NRIP1: variants seen among roughly 807,000 people sequenced by gnomAD.
NRIP1 encodes nuclear receptor-interacting protein 1.
NRIP1 carries 28 observed loss-of-function variants against 75.0 expected under a neutral mutation model. That is an observed-to-expected ratio of 0.37 (90% CI 0.28 to 0.51). The LOEUF is 0.51. Ranked by LOEUF, NRIP1 falls within the 20% of genes least tolerant of loss-of-function variation. The pLI is 0.92. For synonymous variants in NRIP1, 526 were observed against 487.6 expected, an observed-to-expected ratio of 1.08 and a Z score of -1.04; for missense variants, 1,435 against 1,343.7, an observed-to-expected ratio of 1.07 and a Z score of -1.06.
intron 1 of NRIP1, among the ~76,000 whole-genome samples, chr21:15,049,135 T>C (rs923948012): frequency 1.3e-5 from 2 of 152,288 alleles, no homozygotes; most frequent in Middle Eastern, 3.4e-3. Flanking sequence ...AGGGCCATTA[T>C]TTTCCCATTG....
chr21:15,030,300 T>C (rs2058370615), intron 2 of NRIP1, among the ~76,000 whole-genome samples: 1 of 152,240 alleles, frequency 6.6e-6, no homozygotes, highest in Admixed American at 6.5e-5. Flanking sequence ...CTGTTTACTT[T>C]ACTTGTAGTA....
At chr21:14,972,956 G>A (rs2086943788) in intron 3 of NRIP1, among the ~76,000 whole-genome samples, 2 of 152,190 alleles carry the variant, frequency 1.3e-5, no homozygotes, top group Non-Finnish European at 2.9e-5. Context: ...TAACAGGCTT[G>A]GCCTGGGGGT....
chr21:15,013,287 C>T (rs549439797), intron 3 of NRIP1, among the ~76,000 whole-genome samples: 1 of 152,206 alleles, frequency 6.6e-6, no homozygotes, highest in Admixed American at 6.5e-5. Context: ...AAAAGCTAAG[C>T]ATTTAAGTGG....
chr21:14,970,851 T>C (rs1026974390), intron 3 of NRIP1, among the ~76,000 whole-genome samples: 8 of 152,236 alleles, frequency 5.3e-5, no homozygotes, highest in African/African-American at 1.9e-4. Flanking sequence ...ATTTGCAAAG[T>C]ATTATTCATT....
At chr21:14,982,610 G>A (rs956236586) in intron 3 of NRIP1, among the ~76,000 whole-genome samples, 6 of 151,936 alleles carry the variant, frequency 3.9e-5, no homozygotes, top group South Asian at 2.1e-4. Context: ...GCACTCAGTA[G>A]ATCTTTCAAT....
At chr21:14,969,859 C>T (rs927449525) in intron 3 of NRIP1, among the ~76,000 whole-genome samples, 1 of 152,110 alleles carries the variant, frequency 6.6e-6, no homozygotes, top group Non-Finnish European at 1.5e-5. Flanking sequence ...GAGGCAGCAA[C>T]AATTAATTTC....
At chr21:15,042,547 C>T (rs1271950917) in intron 2 of NRIP1, among the ~76,000 whole-genome samples, 2 of 152,050 alleles carry the variant, frequency 1.3e-5, no homozygotes, top group Non-Finnish European at 1.5e-5. Flanking sequence ...GGAGGTGGGG[C>T]CTTTGGTGAG....
intron 1 of NRIP1, among the ~76,000 whole-genome samples, chr21:15,061,377 C>A (rs1397724227): frequency 2.0e-5 from 3 of 152,084 alleles, no homozygotes; most frequent in Non-Finnish European, 2.9e-5. Flanking sequence ...AGAAACTTCT[C>A]CCCACCCACA....
intron 1 of NRIP1, among the ~76,000 whole-genome samples, chr21:15,059,133 G>A (rs2147414744): frequency 6.6e-6 from 1 of 152,268 alleles, no homozygotes; most frequent in East Asian, 1.9e-4. Context: ...TCAACATCAG[G>A]TCAACCAGAG....
At chr21:15,017,337 T>C (rs1034682750) in intron 2 of NRIP1, among the ~76,000 whole-genome samples, 4 of 152,118 alleles carry the variant, frequency 2.6e-5, no homozygotes, top group African/African-American at 9.7e-5. Context: ...GAACTGCAGG[T>C]GTGCACCACG....
At chr21:15,063,285 C>T (rs1245271027) in intron 1 of NRIP1, among the ~76,000 whole-genome samples, 1 of 152,182 alleles carries the variant, frequency 6.6e-6, no homozygotes, top group Non-Finnish European at 1.5e-5. Context: ...TACCGAACTG[C>T]CGGGCAAAAC....
rs746625892 is a variant in NRIP1, at chr21:14,966,129, A to G, written c.2064T>C (p.Ser688=). The change falls in exon 4 of 4, where the codon AGT becomes AGC. Residue 688 remains serine, a synonymous_variant. Coordinates refer to ENST00000318948, the MANE Select transcript of NRIP1 (RefSeq NM_003489.4). ...CTGGTTCAGGACCTGTTGGTTGACT[A>G]CTAAATGCTTTATTTTCTTCAACTG... ...TNAVEENKAF[S]SQPTGPEPGL... 2 of 1,612,790 alleles carry G rather than the reference A, an allele frequency of 1.2e-6. No individual in the cohort carries two copies. The highest frequency in any genetic ancestry group is 8.5e-7 in the Non-Finnish European group (1 of 1,179,954).
intron 2 of NRIP1, among the ~76,000 whole-genome samples, chr21:15,042,723 C>T (rs1417485455): frequency 6.6e-6 from 1 of 152,230 alleles, no homozygotes; most frequent in East Asian, 1.9e-4. Context: ...GCACCTTGGT[C>T]TTGGACTTCC....
At position 14,962,118 on chromosome 21, in the gene NRIP1, T is replaced by C. The variant is rs2086609321; in HGVS notation, c.*2598A>G. Reference sequence around the variant, plus strand: ...AAACAGGTAATGAATGCTACCTTACTGATGTCAATAAGCTGTAGTACCCTT... The same window carrying C: ...AAACAGGTAATGAATGCTACCTTACCGATGTCAATAAGCTGTAGTACCCTT... On this transcript the variant is annotated 3_prime_UTR_variant, in exon 4 of 4. Transcript: ENST00000318948. 1 of 150,350 alleles carries C rather than the reference T, an allele frequency of 6.7e-6. No individual in the cohort carries two copies. Among genetic ancestry groups the C allele is most frequent in the African/African-American group, 2.4e-5 (1 of 41,122 alleles). The allele number at this position is 150,350 out of a possible 1,614,324, so 9.3% of individuals were successfully genotyped here.
At chr21:15,027,025 C>T (rs539937583) in intron 2 of NRIP1, among the ~76,000 whole-genome samples, 1 of 152,006 alleles carries the variant, frequency 6.6e-6, no homozygotes, top group East Asian at 1.9e-4. Context: ...CTTGTACCCA[C>T]AAAAACTAAA....
intron 3 of NRIP1, among the ~76,000 whole-genome samples, chr21:14,995,671 CAAAT>C (rs1490846946): frequency 6.6e-6 from 1 of 152,042 alleles, no homozygotes; most frequent in Non-Finnish European, 1.5e-5. Flanking sequence ...GAAATTCTGT[CAAAT>C]AAGACTGAGA....
chr21:15,007,477 TAA>T (rs1259166939), intron 3 of NRIP1, among the ~76,000 whole-genome samples: 1 of 152,198 alleles, frequency 6.6e-6, no homozygotes, highest in African/African-American at 2.4e-5. Flanking sequence ...CTAGGTTTGA[TAA>T]ACACTGTGCT....
intron 3 of NRIP1, among the ~76,000 whole-genome samples, chr21:15,012,113 A>G (rs1225651274): frequency 6.6e-6 from 1 of 152,206 alleles, no homozygotes; most frequent in Non-Finnish European, 1.5e-5. Context: ...CTCATAAAAC[A>G]TTAGTTTAGA....
chr21:14,984,789 CCT>C (rs376212477), intron 3 of NRIP1, among the ~76,000 whole-genome samples: 108 of 152,298 alleles, frequency 7.1e-4, no homozygotes, highest in East Asian at 4.2e-3. Context: ...GCAACCTCCC[CCT>C]GATTCTTCGG....
Sources: allele counts gnomAD v4.1 joint callset (sites outside exome capture counted in the v4.1 genomes callset), GRCh38; gene constraint gnomAD v4.1.1; transcripts MANE v1.5; gene names NCBI Gene and HGNC (gene_info 2026-07-23, HGNC 2026-07-21).